The following ITGB7 variants were observed in gnomAD, a reference collection of about 807,000 sequenced individuals.
ITGB7 encodes the protein integrin beta-7.
In ITGB7, 55 loss-of-function variants were observed where a neutral mutation model predicts 83.4. The observed-to-expected ratio is 0.66, with a 90% CI of 0.53 to 0.83. The LOEUF (loss-of-function observed/expected upper bound fraction) is 0.83, where lower values mean the gene tolerates loss of function less well. ITGB7 is among the 40% of genes least tolerant of loss of function. The probability of loss-of-function intolerance (pLI) is 0.00; values close to 1 mark genes in which losing one functional copy is unlikely to be tolerated. For missense variants in ITGB7, 921 were observed against 1,046.7 expected (o/e 0.88, Z 1.66); for synonymous variants, 454 against 423.6 (o/e 1.07, Z -0.88).
intron 3 of ITGB7, among the ~76,000 whole-genome samples, chr12:53,199,142 C>T (rs531129311): frequency 2.0e-5 from 3 of 152,164 alleles, no homozygotes; most frequent in Non-Finnish European, 2.9e-5. Flanking sequence ...TGAATTTGCC[C>T]CCATCTCTTA....
chr12:53,204,903 C>T (rs1471622229), intron 1 of ITGB7, among the ~76,000 whole-genome samples: 1 of 137,650 alleles, frequency 7.3e-6, no homozygotes, highest in Admixed American at 7.8e-5. Flanking sequence ...GCGTGATGTA[C>T]AACCTCTGCC....
At chr12:53,200,179 G>A in intron 3 of ITGB7, 64 bp downstream of exon 3, 4 of 1,358,084 alleles carry the variant, frequency 2.9e-6, no homozygotes, top group Non-Finnish European at 4.2e-6. Flanking sequence ...TATCCAGGCT[G>A]CACATACATA....
In ITGB7 at chr12:53,192,735, T is replaced by C. The variant is rs149819743; in HGVS notation, c.1902A>G (p.Leu634=). Residue 634 remains leucine (L), a synonymous_variant, in exon 13 of 16, where the codon CTA becomes CTG. Transcript: ENST00000267082. ...TCTTGCAGCCTGGGCATTGGTCGCA[T>C]AGAGCACCATAGTAGCCGTCCAAGC... ...CQCLDGYYGA[L]CDQCPGCKTP... is the part of the protein sequence containing the mutation. 723 of 1,614,242 alleles carry C rather than the reference T, an allele frequency of 4.5e-4. 8 individuals carry two copies. In the African/African-American group the frequency reaches 8.6e-3, roughly 19 times the overall value.
chr12:53,194,501 G>A (rs1942087861), intron 9 of ITGB7, 157 bp from the exon 10 acceptor site: 1 of 663,038 alleles, frequency 1.5e-6, no homozygotes, highest in African/African-American at 1.8e-5. Flanking sequence ...TCTGGAGGGA[G>A]GACCCGTGAG....
chr12:53,192,142 G>A lies in ITGB7; in HGVS notation c.2156-123C>T, dbSNP rs78662052. The A allele has an allele frequency of 6.6e-4, 864 of 1,313,508 alleles. 22 individuals are homozygous for A. The East Asian group carries it at 0.021, about 32-fold the overall frequency. The allele number at this position is 1,313,508 out of a possible 1,614,324, so 81.4% of individuals were successfully genotyped here. A position where few individuals can be genotyped will look rare whatever the true frequency, so the allele number is the denominator to read the frequency against. ...ACTGAAAGCAAAGGGAACCCAGGGA[G>A]GTCCAAGGTTATCCTCACCGCCCAG... On this transcript the variant is annotated intron_variant, in intron 14 of 15. Coordinates refer to ENST00000267082, the MANE Select transcript of ITGB7 (RefSeq NM_000889.3).
At chr12:53,204,474 G>A (rs777973855) in intron 1 of ITGB7, among the ~76,000 whole-genome samples, 9 of 151,888 alleles carry the variant, frequency 5.9e-5, no homozygotes, top group Non-Finnish European at 1.3e-4. Context: ...TTCATGAAAG[G>A]TCACATATTG....
chr12:53,193,943 C>T (rs375614554), intron 10 of ITGB7, 42 bp from the exon 11 acceptor site: 4 of 1,549,250 alleles, frequency 2.6e-6, no homozygotes, highest in South Asian at 2.4e-5. Context: ...TACACATGCA[C>T]ACACACATAC....
intron 3 of ITGB7, among the ~76,000 whole-genome samples, chr12:53,199,365 C>T (rs1435540277): frequency 1.3e-5 from 2 of 152,146 alleles, no homozygotes; most frequent in Non-Finnish European, 2.9e-5. Context: ...TTTCCAGTCC[C>T]CCTCAAGCCC....
intron 1 of ITGB7, among the ~76,000 whole-genome samples, chr12:53,205,746 T>C (rs1465985954): frequency 6.6e-6 from 1 of 152,220 alleles, no homozygotes; most frequent in East Asian, 1.9e-4. Context: ...CATTTGCATC[T>C]TCTTCAGCCT....
chr12:53,198,364 T>G (rs1053868732), intron 3 of ITGB7, among the ~76,000 whole-genome samples: 1 of 151,846 alleles, frequency 6.6e-6, no homozygotes, highest in African/African-American at 2.4e-5. Flanking sequence ...TGACCTCAAG[T>G]GCGCCCACCT....
chr12:53,191,683 C>T (rs544958690), intron 15 of ITGB7, 47 bp from the exon 16 acceptor site: 32 of 1,572,434 alleles, frequency 2.0e-5, no homozygotes, highest in African/African-American at 4.0e-5. Context: ...CAGGATTCCT[C>T]GTCCCCTTTC....
rs748944870 is a variant in ITGB7, at chr12:53,193,675, G to C, written c.1502+33C>G. On this transcript the variant is annotated intron_variant, in intron 11 of 15. Transcript: ENST00000267082. ...GGCCAGGGTTGGTTGGTTGTTGGGA[G>C]CCAGGTGGTTGAAGGGAAGAGGAGG... is the stretch of plus-strand genomic sequence containing the variant. 2.5e-6 allele frequency: 4 copies of C among 1,570,584 alleles called. No individual in the cohort carries two copies. The Admixed American group carries it at 7.1e-5, about 28-fold the overall frequency.
At chr12:53,195,789 C>CG in intron 7 of ITGB7, 68 bp from the exon 8 acceptor site, 2 of 1,338,950 alleles carry the variant, frequency 1.5e-6, no homozygotes, top group East Asian at 4.6e-5. Context: ...GTGCCCTCAG[C>CG]CCAGGGAATC....
chr12:53,200,650 C>T (rs767048035), intron 2 of ITGB7, among the ~76,000 whole-genome samples: 7 of 152,012 alleles, frequency 4.6e-5, no homozygotes, highest in Non-Finnish European at 7.4e-5. Flanking sequence ...TAGGGGCCTC[C>T]GGACGTGGTG....
intron 9 of ITGB7, 48 bp from the exon 10 acceptor site, chr12:53,194,392 T>TC (rs748786470): frequency 6.3e-7 from 1 of 1,593,448 alleles, no homozygotes; most frequent in Non-Finnish European, 8.6e-7. Flanking sequence ...AGAAAAGGAC[T>TC]CCAACCCCAC....
rs1215300331 is a variant in ITGB7 at position 53,196,826 on chromosome 12, A to G, written c.575-6T>C. The stretch of plus-strand genomic sequence containing the variant: ...GTCCACAAAGGAACCAAAACCTGGG[A>G]GAGGAGAGGAATGAAGGTTGTGCCA... On this transcript the variant is annotated splice_polypyrimidine_tract_variant and splice_region_variant and intron_variant, in intron 5 of 15. Transcript: ENST00000267082. 4 of 1,590,232 alleles carry G rather than the reference A, an allele frequency of 2.5e-6. No homozygotes were observed. Among genetic ancestry groups the G allele is most frequent in the Non-Finnish European group, 3.4e-6 (4 of 1,161,864 alleles).
rs190913589 is a variant in ITGB7 at position 53,191,485 on chromosome 12, C to T, written c.*71G>A. On this transcript the variant is annotated 3_prime_UTR_variant, in exon 16 of 16. Transcript: ENST00000267082. ...CCCCTACCAAGGTCTTACAGACCCA[C>T]CCTTCCTCTCACCCTCCAGTTCCCA... 1.2e-4 allele frequency: 146 copies of T among 1,241,082 alleles called. No homozygotes were observed. The highest frequency in any genetic ancestry group is 1.6e-4 in the Non-Finnish European group (134 of 840,284). 76.9% of individuals were successfully genotyped at this position (1,241,082 alleles called of 1,614,324 possible). A position where few individuals can be genotyped will look rare whatever the true frequency, so the allele number is the denominator to read the frequency against.
At chr12:53,197,989 G>C (rs1942225246) in intron 3 of ITGB7, 38 bp from the exon 4 acceptor site, 2 of 1,503,620 alleles carry the variant, frequency 1.3e-6, no homozygotes, top group African/African-American at 2.8e-5. Flanking sequence ...ACCCGGTCCT[G>C]CATAGGCCCT....
At position 53,193,640 on chromosome 12, in the gene ITGB7, G is replaced by A. The variant is rs1055582017; in HGVS notation, c.1502+68C>T. 5 of 1,358,252 alleles carry A rather than the reference G, an allele frequency of 3.7e-6. No homozygotes were observed. The Admixed American group carries it at 1.1e-4, about 30-fold the overall frequency. 84.1% of individuals were successfully genotyped at this position (1,358,252 alleles called of 1,614,324 possible). The stretch of plus-strand genomic sequence containing the variant: ...CCTGTGGGGGGGATGGAAAGCAGCG[G>A]AGGAATACGGGCCAGGGTTGGTTGG... On this transcript the variant is annotated intron_variant, in intron 11 of 15. Transcript: ENST00000267082.
Sources: gnomAD v4.1 joint callset for allele counts (sites outside exome capture counted in the v4.1 genomes callset) on GRCh38, gnomAD v4.1.1 for gene constraint, MANE v1.5 for transcripts, NCBI Gene and HGNC (gene_info 2026-07-23, HGNC 2026-07-21) for gene names.